MYO18B: variants seen among roughly 807,000 people sequenced by gnomAD.
The protein encoded by MYO18B is unconventional myosin-XVIIIb.
A neutral mutation model predicts 273.0 loss-of-function variants in MYO18B; 204 were observed. The ratio of observed to expected loss-of-function variants is 0.75; its 90% CI spans 0.67 to 0.84. The LOEUF is 0.84. Ranked by LOEUF, MYO18B falls within the 40% of genes least tolerant of loss-of-function variation. MYO18B has a pLI of 0.00. For missense variants in MYO18B, 3,212 were observed against 3,287.6 expected (o/e 0.98, Z 0.56); for synonymous variants, 1,330 against 1,305.7 (o/e 1.02, Z -0.40).
At position 25,836,084 on chromosome 22, in the gene MYO18B, G is replaced by C. The variant is rs547498424; in HGVS notation, c.3208+641G>C. Among the ~76,000 whole-genome samples the C allele has an allele frequency of 3.1e-4, 47 of 152,300 alleles. 2 individuals are homozygous for C. The East Asian group carries it at 7.5e-3, about 24-fold the overall frequency. On this transcript the variant is annotated intron_variant, in intron 17 of 43. Coordinates refer to ENST00000335473, the MANE Select transcript of MYO18B (RefSeq NM_032608.7). ...AGAAACCTCTGGAAGTGTTTAGCAG[G>C]TAAAGTCCATAGCACTTGGTGGGAG...
intron 33 of MYO18B, among the ~76,000 whole-genome samples, chr22:25,918,940 C>T (rs5761315): frequency 0.9 from 137,264 of 152,220 alleles, 62,283 homozygotes; most frequent in Middle Eastern, 0.97. Flanking sequence ...GATCTCTGCA[C>T]AGCCACTTAG....
intron 34 of MYO18B, among the ~76,000 whole-genome samples, chr22:25,929,757 C>T (rs193152017): frequency 1.2e-4 from 18 of 152,206 alleles, no homozygotes; most frequent in African/African-American, 3.6e-4. Flanking sequence ...ATGCATCCCC[C>T]GTCTCTCTCT....
chr22:25,793,480 C>T (rs537104575), intron 11 of MYO18B, among the ~76,000 whole-genome samples: 9 of 152,256 alleles, frequency 5.9e-5, no homozygotes, highest in East Asian at 1.9e-4. Context: ...CATAAGCGAT[C>T]CTTCCACCCT....
intron 39 of MYO18B, among the ~76,000 whole-genome samples, chr22:25,961,220 TAAAAA>T (rs749508614): frequency 1.6e-5 from 2 of 124,854 alleles, no homozygotes; most frequent in Non-Finnish European, 1.7e-5. Context: ...AGCCTCCATC[TAAAAA>T]AAAAAAAAAA....
intron 17 of MYO18B, among the ~76,000 whole-genome samples, chr22:25,839,837 C>T (rs1321685285): frequency 1.3e-5 from 2 of 152,204 alleles, no homozygotes; most frequent in African/African-American, 2.4e-5. Context: ...GGCTTCTGCT[C>T]ACCGCTCAAC....
intron 2 of MYO18B, 49 bp downstream of exon 2, chr22:25,761,180 C>T (rs775760105): frequency 3.1e-6 from 5 of 1,603,208 alleles, no homozygotes; most frequent in Non-Finnish European, 3.4e-6. Context: ...GGGACTGACT[C>T]GACCCTCGGG....
chr22:25,975,712 C>A (rs1347949554), intron 39 of MYO18B, among the ~76,000 whole-genome samples: 1 of 152,180 alleles, frequency 6.6e-6, no homozygotes, highest in Non-Finnish European at 1.5e-5. Context: ...ACACAGATCA[C>A]CCGGGGATAT....
chr22:26,034,539 G>A (rs2147049057), downstream of MYO18B, among the ~76,000 whole-genome samples: 1 of 150,772 alleles, frequency 6.6e-6, no homozygotes, highest in Middle Eastern at 3.4e-3. Context: ...TTGTTCTTTG[G>A]TCTCAGAACT....
chr22:25,874,468 T>C (rs1410612022), intron 23 of MYO18B, 54 bp downstream of exon 23: 14 of 1,567,908 alleles, frequency 8.9e-6, no homozygotes, highest in Middle Eastern at 3.4e-4. Context: ...GGAGCGGGCA[T>C]AGGGTCTGCC....
chr22:25,893,790 CCCATCCACCCATCCACCCATCCAT>C (rs1411928731), intron 27 of MYO18B, among the ~76,000 whole-genome samples: 3 of 151,306 alleles, frequency 2.0e-5, no homozygotes, highest in Admixed American at 2.0e-4. Context: ...CACCCATCCA[CCCATCCACCCATCCACCCATCCAT>C]CCATTTATCC....
intron 21 of MYO18B, among the ~76,000 whole-genome samples, chr22:25,852,089 G>T (rs1435465023): frequency 6.6e-6 from 1 of 152,168 alleles, no homozygotes; most frequent in Non-Finnish European, 1.5e-5. Context: ...CCCTGGGGTG[G>T]TCTATGAAAA....
intron 42 of MYO18B, among the ~76,000 whole-genome samples, chr22:26,026,109 C>T (rs1472407265): frequency 6.6e-6 from 1 of 152,184 alleles, no homozygotes; most frequent in Non-Finnish European, 1.5e-5. Flanking sequence ...AAGCAAACTA[C>T]TTATTTCACA....
At chr22:25,919,708 G>GTGTA (rs2092314694) in intron 33 of MYO18B, among the ~76,000 whole-genome samples, 1 of 143,182 alleles carries the variant, frequency 7.0e-6, no homozygotes, top group African/African-American at 2.6e-5. Context: ...GTGTGTGTGT[G>GTGTA]TATAATAGAA....
chr22:26,018,397 G>A lies in MYO18B; in HGVS notation c.6471-8048G>A, dbSNP rs1464530469. Among the ~76,000 whole-genome samples, 8 of 152,124 alleles carry A rather than the reference G, an allele frequency of 5.3e-5. No homozygotes were observed. In the South Asian group the frequency reaches 1.5e-3, roughly 28 times the overall value. ...TCCTCCTCACTTCCCTGCTCCCTTGGCTATCCTTCCCCCAAACCCCAGCAC... is the reference window on the plus strand; with the variant it reads ...TCCTCCTCACTTCCCTGCTCCCTTGACTATCCTTCCCCCAAACCCCAGCAC... On this transcript the variant is annotated intron_variant, in intron 42 of 43. Transcript: ENST00000335473.
intron 42 of MYO18B, 94 bp from the exon 43 acceptor site, chr22:26,026,351 A>G (rs1017057547): frequency 6.8e-5 from 95 of 1,388,260 alleles, no homozygotes; most frequent in Non-Finnish European, 8.8e-5. Flanking sequence ...AAGAAAAATA[A>G]TATTAGTGCC....
chr22:25,764,641 G>A lies in MYO18B; in HGVS notation c.198+1252G>A, dbSNP rs5996970. On this transcript the variant is annotated intron_variant, in intron 3 of 43. Coordinates refer to ENST00000335473, the MANE Select transcript of MYO18B (RefSeq NM_032608.7). ...ACAGTAGCAGCTGCTGAAATACCTC[G>A]GCCAAGTCTTTGTTGGGGAGGTTGA... 2.9e-3 allele frequency among the ~76,000 whole-genome samples: 448 copies of A among 152,272 alleles called. 3 individuals carry two copies. Among genetic ancestry groups the A allele is most frequent in the African/African-American group, 9.9e-3 (410 of 41,560 alleles).
downstream of MYO18B, among the ~76,000 whole-genome samples, chr22:26,031,714 A>G (rs1936672323): frequency 6.6e-6 from 1 of 152,112 alleles, no homozygotes; most frequent in Admixed American, 6.5e-5. Context: ...TCCTCACTAG[A>G]GACTCTGGGT....
At chr22:25,939,332 A>T (rs6004842) in intron 34 of MYO18B, among the ~76,000 whole-genome samples, 4,352 of 152,282 alleles carry the variant, frequency 0.029, 193 homozygotes, top group African/African-American at 0.092. Flanking sequence ...TGTCATCAAG[A>T]TTATGTCTCT....
At chr22:25,820,241 A>G (rs1200111114) in intron 12 of MYO18B, among the ~76,000 whole-genome samples, 2 of 151,846 alleles carry the variant, frequency 1.3e-5, no homozygotes, top group Non-Finnish European at 2.9e-5. Flanking sequence ...TCTTGTGACC[A>G]GTGCAGAGTA....
Sources: allele counts gnomAD v4.1 joint callset (sites outside exome capture counted in the v4.1 genomes callset), GRCh38; gene constraint gnomAD v4.1.1; transcripts MANE v1.5; gene names NCBI Gene and HGNC (gene_info 2026-07-23, HGNC 2026-07-21).